XRRA1: variants seen among roughly 807,000 people sequenced by gnomAD.
The protein encoded by XRRA1 is X-ray radiation resistance associated 1.
XRRA1 carries 69 observed loss-of-function variants against 80.2 expected under a neutral mutation model. The observed-to-expected ratio is 0.86, with a 90% CI of 0.71 to 1.05. XRRA1 has a LOEUF of 1.05. Among genes scored for constraint, XRRA1 ranks in the 50% least tolerant of loss-of-function variants. XRRA1 has a pLI of 0.00. For synonymous variants in XRRA1, 348 were observed against 389.9 expected (o/e 0.89, Z 1.27); for missense variants, 967 against 976.4 (o/e 0.99, Z 0.13).
At chr11:74,902,500 G>A (rs1180006569) in intron 10 of XRRA1, among the ~76,000 whole-genome samples, 9 of 152,198 alleles carry the variant, frequency 5.9e-5, no homozygotes. Context: ...CAATAGCCAA[G>A]ATTTGGAAGC....
intron 12 of XRRA1, among the ~76,000 whole-genome samples, chr11:74,854,658 C>T (rs2040649056): frequency 6.6e-6 from 1 of 152,016 alleles, no homozygotes; most frequent in South Asian, 2.1e-4. Flanking sequence ...CAGGCTATAC[C>T]AAAACCAGGA....
chr11:74,902,977 T>C (rs1220375739), intron 10 of XRRA1, among the ~76,000 whole-genome samples: 4 of 152,214 alleles, frequency 2.6e-5, no homozygotes, highest in African/African-American at 9.7e-5. Context: ...GTACATCTAC[T>C]ATGTACCCAC....
In XRRA1 at chr11:74,949,045, C is replaced by G. The variant is rs1397163164; in HGVS notation, c.-190G>C. ...GGAGCCGCTCCACTGCGGTGCCTGC[C>G]GCTATCTTCCCCACGCCTTAGTAAC... On this transcript the variant is annotated 5_prime_UTR_variant, in exon 1 of 19. Transcript: ENST00000684022. 3 of 402,136 alleles carry G rather than the reference C, an allele frequency of 7.5e-6. No individual in the cohort carries two copies. Among genetic ancestry groups the G allele is most frequent in the South Asian group, 3.1e-5 (1 of 32,518 alleles). 24.9% of individuals were successfully genotyped at this position (402,136 alleles called of 1,614,324 possible). A position where few individuals can be genotyped will look rare whatever the true frequency, so the allele number is the denominator to read the frequency against.
At chr11:74,887,386 T>A (rs2049299902) in intron 10 of XRRA1, among the ~76,000 whole-genome samples, 1 of 152,086 alleles carries the variant, frequency 6.6e-6, no homozygotes, top group African/African-American at 2.4e-5. Flanking sequence ...AACCACCCCA[T>A]TAAAAAGTAG....
intron 10 of XRRA1, among the ~76,000 whole-genome samples, chr11:74,894,513 C>G (rs990878733): frequency 6.6e-6 from 1 of 152,174 alleles, no homozygotes; most frequent in Non-Finnish European, 1.5e-5. Flanking sequence ...AACTTACAAT[C>G]ATGGCAGAAA....
chr11:74,926,895 C>G (rs556569088), intron 7 of XRRA1, among the ~76,000 whole-genome samples: 1 of 150,996 alleles, frequency 6.6e-6, no homozygotes, highest in Non-Finnish European at 1.5e-5. Flanking sequence ...GGCCTATAGC[C>G]TGCTCTATCC....
At chr11:74,938,838 A>G (rs1945684011) in intron 3 of XRRA1, among the ~76,000 whole-genome samples, 1 of 151,754 alleles carries the variant, frequency 6.6e-6, no homozygotes, top group African/African-American at 2.4e-5. Flanking sequence ...ATCCCCCACA[A>G]TCACACAAAG....
At chr11:74,897,389 C>G (rs2052575966) in intron 10 of XRRA1, among the ~76,000 whole-genome samples, 1 of 151,812 alleles carries the variant, frequency 6.6e-6, no homozygotes, top group African/African-American at 2.4e-5. Context: ...TTAAAAAGCA[C>G]AAATCTAATG....
intron 8 of XRRA1, among the ~76,000 whole-genome samples, chr11:74,920,849 C>A (rs931848674): frequency 2.0e-5 from 3 of 152,114 alleles, no homozygotes; most frequent in Admixed American, 6.5e-5. Context: ...AGAGGAAGGA[C>A]CAGCCAGAGG....
At chr11:74,909,471 G>T (rs981133005) in intron 8 of XRRA1, among the ~76,000 whole-genome samples, 1 of 152,166 alleles carries the variant, frequency 6.6e-6, no homozygotes, top group Non-Finnish European at 1.5e-5. Context: ...GCTCCATAAT[G>T]CAGAAGCTGG....
intron 18 of XRRA1, 80 bp from the exon 19 acceptor site, chr11:74,843,533 G>A (rs2036998525): frequency 6.6e-7 from 1 of 1,522,454 alleles, no homozygotes; most frequent in Admixed American, 2.0e-5. Flanking sequence ...TGGGTCCAGA[G>A]ACCCTTGGAA....
intron 10 of XRRA1, among the ~76,000 whole-genome samples, chr11:74,866,766 G>A (rs1195754076): frequency 6.6e-6 from 1 of 151,880 alleles, no homozygotes; most frequent in African/African-American, 2.4e-5. Flanking sequence ...GAATCAGTGA[G>A]CTCAAAGATT....
intron 6 of XRRA1, among the ~76,000 whole-genome samples, chr11:74,930,063 G>T (rs943985471): frequency 6.6e-6 from 1 of 152,110 alleles, no homozygotes; most frequent in Admixed American, 6.6e-5. Flanking sequence ...AAAAAAGAAG[G>T]GAATTATCTC....
rs1948228436 is a variant in XRRA1 at position 74,948,986 on chromosome 11, A to G, written c.-131T>C. On this transcript the variant is annotated 5_prime_UTR_variant, in exon 1 of 19. Coordinates refer to ENST00000684022, the MANE Select transcript of XRRA1 (RefSeq NM_001378157.1). Reference sequence around the variant, plus strand: ...CTGCGGAGGCGACGTCCCAGTCAGGAGGGATGCGCGCCTGCGAGCCCCCCG... The same window carrying G: ...CTGCGGAGGCGACGTCCCAGTCAGGGGGGATGCGCGCCTGCGAGCCCCCCG... The G allele has an allele frequency of 3.4e-6, 1 of 296,442 alleles. No homozygotes were observed. The highest frequency in any genetic ancestry group is 2.3e-5 in the African/African-American group (1 of 44,298). 18.4% of individuals were successfully genotyped at this position (296,442 alleles called of 1,614,324 possible). A position where few individuals can be genotyped will look rare whatever the true frequency, so the allele number is the denominator to read the frequency against.
At chr11:74,868,749 AAAGAC>A (rs1365822718) in intron 10 of XRRA1, among the ~76,000 whole-genome samples, 2 of 152,176 alleles carry the variant, frequency 1.3e-5, no homozygotes, top group African/African-American at 4.8e-5. Flanking sequence ...TTAAAAAAAA[AAAGAC>A]AAAGAAGGAT....
chr11:74,902,912 CTAAA>C (rs746473331), intron 10 of XRRA1, among the ~76,000 whole-genome samples: 2 of 152,102 alleles, frequency 1.3e-5, no homozygotes, highest in Non-Finnish European at 2.9e-5. Context: ...TTAAAAATAA[CTAAA>C]AGAGTATATT....
chr11:74,898,388 A>T (rs1184170601), intron 10 of XRRA1, among the ~76,000 whole-genome samples: 1 of 152,170 alleles, frequency 6.6e-6, no homozygotes, highest in Admixed American at 6.5e-5. Flanking sequence ...AAAATACAAC[A>T]AAATGGCAGG....
At chr11:74,874,936 C>A (rs1221762275) in intron 10 of XRRA1, among the ~76,000 whole-genome samples, 2 of 152,302 alleles carry the variant, frequency 1.3e-5, no homozygotes, top group East Asian at 3.9e-4. Context: ...ATTGAAAGTG[C>A]ACCCCTCTCC....
intron 11 of XRRA1, among the ~76,000 whole-genome samples, chr11:74,862,266 TTCG>T (rs149292866): frequency 0.03 from 4,523 of 152,262 alleles, 62 homozygotes; most frequent in Non-Finnish European, 0.038. Context: ...GTGGAATCAC[TTCG>T]TCGACTCAAT....
Sources: gnomAD v4.1 joint callset for allele counts (sites outside exome capture counted in the v4.1 genomes callset) on GRCh38, gnomAD v4.1.1 for gene constraint, MANE v1.5 for transcripts, NCBI Gene and HGNC (gene_info 2026-07-23, HGNC 2026-07-21) for gene names.